PCGF3: variants seen among roughly 807,000 people sequenced by gnomAD.
PCGF3 encodes the protein polycomb group RING finger protein 3.
PCGF3 carries 7 observed loss-of-function variants against 33.1 expected under a neutral mutation model. The ratio of observed to expected loss-of-function variants is 0.21; its 90% CI spans 0.12 to 0.40. The LOEUF (loss-of-function observed/expected upper bound fraction) is 0.40, where lower values mean the gene tolerates loss of function less well. Ranked by LOEUF, PCGF3 falls within the 10% of genes least tolerant of loss-of-function variation. PCGF3 has a pLI of 1.00. For synonymous variants in PCGF3, 153 were observed against 121.3 expected (o/e 1.26, Z -1.72); for missense variants, 211 against 313.3 (o/e 0.67, Z 2.46).
At chr4:755,176 G>T (rs114561473) in intron 8 of PCGF3, among the ~76,000 whole-genome samples, 1 of 152,220 alleles carries the variant, frequency 6.6e-6, no homozygotes, top group Non-Finnish European at 1.5e-5. Flanking sequence ...GTGTTGTTAC[G>T]CTGTGACTTT....
intron 1 of PCGF3, among the ~76,000 whole-genome samples, chr4:716,887 G>T (rs1464999409): frequency 1.2e-4 from 17 of 145,470 alleles, no homozygotes; most frequent in Middle Eastern, 3.5e-3. Flanking sequence ...TCGGTGCTGG[G>T]CCCCTGTGGA....
chr4:751,059 C>T (rs1744489951), intron 8 of PCGF3, among the ~76,000 whole-genome samples: 1 of 151,836 alleles, frequency 6.6e-6, no homozygotes, highest in African/African-American at 2.4e-5. Context: ...ACATTTTTTC[C>T]CCTCTCCATG....
At chr4:716,392 C>A (rs372763165) in intron 1 of PCGF3, among the ~76,000 whole-genome samples, 1 of 84,842 alleles carries the variant, frequency 1.2e-5, no homozygotes, top group African/African-American at 4.3e-5. Context: ...GAGAACTGGG[C>A]GTCGGTGCTG....
chr4:764,184 A>G (rs984483125), intron 9 of PCGF3, among the ~76,000 whole-genome samples: 3 of 152,072 alleles, frequency 2.0e-5, no homozygotes, highest in African/African-American at 7.2e-5. Flanking sequence ...GGTGGTGACT[A>G]ATGTGCCCCC....
intron 8 of PCGF3, among the ~76,000 whole-genome samples, chr4:755,272 T>A (rs2152610730): frequency 6.6e-6 from 1 of 152,368 alleles, no homozygotes; most frequent in East Asian, 1.9e-4. Context: ...CTTGTCCCCC[T>A]GGGCAGGTGT....
chr4:754,162 C>T (rs936432530), intron 8 of PCGF3, among the ~76,000 whole-genome samples: 1 of 152,192 alleles, frequency 6.6e-6, no homozygotes, highest in African/African-American at 2.4e-5. Flanking sequence ...GCACCAGAAA[C>T]AGGGGAAATG....
intron 8 of PCGF3, among the ~76,000 whole-genome samples, chr4:749,367 T>A (rs1486130766): frequency 6.6e-6 from 1 of 151,938 alleles, no homozygotes; most frequent in Non-Finnish European, 1.5e-5. Flanking sequence ...TTTCTCCATG[T>A]TGGTCAGGCT....
At chr4:759,925 C>G (rs1160136407) in intron 8 of PCGF3, among the ~76,000 whole-genome samples, 1 of 150,088 alleles carries the variant, frequency 6.7e-6, no homozygotes, top group African/African-American at 2.5e-5. Context: ...GAGTTCTTCT[C>G]CTTCCGGACT....
At chr4:747,945 G>T (rs1744336940) in intron 8 of PCGF3, among the ~76,000 whole-genome samples, 1 of 152,076 alleles carries the variant, frequency 6.6e-6, no homozygotes, top group Non-Finnish European at 1.5e-5. Flanking sequence ...ATAAAACATG[G>T]CAGGTCAGTG....
chr4:751,009 T>C (rs1458569591), intron 8 of PCGF3, among the ~76,000 whole-genome samples: 2 of 152,106 alleles, frequency 1.3e-5, no homozygotes, highest in African/African-American at 2.4e-5. Context: ...CAGGTTCTCT[T>C]TGATAGGAGA....
intron 8 of PCGF3, among the ~76,000 whole-genome samples, chr4:753,279 G>C (rs941554182): frequency 6.6e-6 from 1 of 152,208 alleles, no homozygotes; most frequent in African/African-American, 2.4e-5. Context: ...GACCTCTTGG[G>C]CTCAAGTGCT....
At chr4:722,674 T>C (rs75901702) in intron 1 of PCGF3, among the ~76,000 whole-genome samples, 1,770 of 52,852 alleles carry the variant, frequency 0.033, 189 homozygotes, top group Middle Eastern at 0.075. Flanking sequence ...CTGTCTGCGC[T>C]GGGTCCACAC....
intron 8 of PCGF3, among the ~76,000 whole-genome samples, chr4:754,150 C>G (rs562044607): frequency 6.6e-6 from 1 of 152,160 alleles, no homozygotes; most frequent in Non-Finnish European, 1.5e-5. Context: ...TGTGATGTCC[C>G]AGCACCAGAA....
At chr4:742,576 G>A (rs1328996591) in intron 6 of PCGF3, among the ~76,000 whole-genome samples, 1 of 152,212 alleles carries the variant, frequency 6.6e-6, no homozygotes, top group African/African-American at 2.4e-5. Context: ...TGTCCCCTGG[G>A]TGTGAACTAA....
chr4:717,547 T>G (rs958298571), intron 1 of PCGF3, among the ~76,000 whole-genome samples: 1 of 152,214 alleles, frequency 6.6e-6, no homozygotes, highest in African/African-American at 2.4e-5. Flanking sequence ...ACCCAGCTAA[T>G]TTTTGTATTT....
rs1349807818 is a variant in PCGF3, at chr4:760,444, T to TA, written c.463-834dup. Among the ~76,000 whole-genome samples, 2 of 152,058 alleles carry TA rather than the reference T, an allele frequency of 1.3e-5. 1 individual carries two copies. The highest frequency in any genetic ancestry group is 1.3e-4 in the Admixed American group (2 of 15,272). Reference sequence around the variant, plus strand: ...GTGGTTCAGCCATCCACTGAGATGTTAGTTTCCGTGAGTGTTTTTATTTTT... The same window carrying TA: ...GTGGTTCAGCCATCCACTGAGATGTTAAGTTTCCGTGAGTGTTTTTATTTTT... On this transcript the variant is annotated intron_variant, in intron 8 of 10. Transcript: ENST00000362003.
intron 1 of PCGF3, among the ~76,000 whole-genome samples, chr4:713,168 G>A (rs1358781541): frequency 5.1e-5 from 7 of 137,980 alleles, no homozygotes; most frequent in East Asian, 2.3e-4. Context: ...CCTGTGTGGC[G>A]TCATGGGGGC....
chr4:754,221 G>A (rs1212164980), intron 8 of PCGF3, among the ~76,000 whole-genome samples: 3 of 152,286 alleles, frequency 2.0e-5, no homozygotes, highest in African/African-American at 4.8e-5. Flanking sequence ...GGTCCCTGCC[G>A]CCCTCCAGAG....
rs529423660 is a variant in PCGF3 at position 734,000 on chromosome 4, C to T, written c.109+211C>T. 148 of 1,551,090 alleles carry T rather than the reference C, an allele frequency of 9.5e-5. No homozygotes were observed. The African/African-American group carries it at 1.7e-3, about 17-fold the overall frequency. ...GGTGGTGTCAGAGCAGATGAGGCCT[C>T]GCTTAGGAGAGCGAAACACAGGAGA... On this transcript the variant is annotated intron_variant, in intron 4 of 10. Coordinates refer to ENST00000362003, the Ensembl canonical transcript of PCGF3.
Sources: gnomAD v4.1 joint callset for allele counts (sites outside exome capture counted in the v4.1 genomes callset) on GRCh38, gnomAD v4.1.1 for gene constraint, MANE v1.5 for transcripts, NCBI Gene and HGNC (gene_info 2026-07-23, HGNC 2026-07-21) for gene names.